Variants in SCRIB observed in about 807,000 individuals in gnomAD.
The protein encoded by SCRIB is scribble planar cell polarity protein, also known as protein scribble homolog.
In SCRIB, 72 loss-of-function variants were observed where a neutral mutation model predicts 170.0. That is an observed-to-expected ratio of 0.42 (90% CI 0.35 to 0.52). SCRIB has a LOEUF of 0.52. Among genes scored for constraint, SCRIB ranks in the 20% least tolerant of loss-of-function variants. SCRIB has a pLI of 0.02. For synonymous variants in SCRIB, 1,298 were observed against 1,044.3 expected, an observed-to-expected ratio of 1.24 and a Z score of -4.68; for missense variants, 2,475 against 2,338.5, an observed-to-expected ratio of 1.06 and a Z score of -1.20.
At chr8:143,804,513 G>C in intron 21 of SCRIB, 55 bp downstream of exon 21, 4 of 1,469,090 alleles carry the variant, frequency 2.7e-6, no homozygotes, top group Non-Finnish European at 3.6e-6. Flanking sequence ...TCCTGGGAAG[G>C]CCAGTGCCCA....
At chr8:143,811,732 G>A (rs1004040222) in intron 9 of SCRIB, among the ~76,000 whole-genome samples, 3 of 152,072 alleles carry the variant, frequency 2.0e-5, no homozygotes, top group Admixed American at 6.5e-5. Context: ...CTCAGGGCCA[G>A]CCCCTTCCCA....
At chr8:143,815,087 G>T in intron 1 of SCRIB, 127 bp downstream of exon 1, 2 of 1,115,402 alleles carry the variant, frequency 1.8e-6, no homozygotes, top group Non-Finnish European at 2.4e-6. Context: ...CTGGGGTGGG[G>T]ACCTGGCCAG....
chr8:143,794,159 TG>T, intron 27 of SCRIB, 197 bp from the exon 28 acceptor site: 1 of 576,800 alleles, frequency 1.7e-6, no homozygotes, highest in Non-Finnish European at 3.1e-6. Context: ...TGCGGGGGCC[TG>T]GGCTGGGCAG....
At position 143,815,717 on chromosome 8, in the gene SCRIB, G is replaced by T. The variant is rs918828838; in HGVS notation, c.-345C>A. Reference sequence around the variant, plus strand: ...CGCACCGGAACCGCCGCTGCCCGCCGGACTGCCCCGCCGACACCCACCCGG... The same window carrying T: ...CGCACCGGAACCGCCGCTGCCCGCCTGACTGCCCCGCCGACACCCACCCGG... On this transcript the variant is annotated 5_prime_UTR_variant, in exon 1 of 37. Coordinates refer to ENST00000356994, the MANE Select transcript of SCRIB (RefSeq NM_182706.5). 3.0e-6 allele frequency: 3 copies of T among 983,718 alleles called. No individual in the cohort carries two copies. The South Asian group carries it at 1.4e-4, about 46-fold the overall frequency. The allele number at this position is 983,718 out of a possible 1,614,324, so 60.9% of individuals were successfully genotyped here.
At position 143,806,139 on chromosome 8, in the gene SCRIB, G is replaced by A. The variant is rs1441010641; in HGVS notation, c.2346+268C>T. 4.6e-5 allele frequency among the ~76,000 whole-genome samples: 7 copies of A among 152,164 alleles called. No homozygotes were observed. In the South Asian group the frequency reaches 1.0e-3, roughly 23 times the overall value. ...GCAGCTGCTGCCCTACCCACTGGTA[G>A]AAAAACACACCTGTACCCACAGAAC... is the stretch of plus-strand genomic sequence containing the variant. On this transcript the variant is annotated intron_variant, in intron 18 of 36. Coordinates refer to ENST00000356994, the MANE Select transcript of SCRIB (RefSeq NM_182706.5).
rs1416736331 is a variant in SCRIB, at chr8:143,815,685, G to A, written c.-313C>T. ...GCTCGTCCCGCCCGCTCGTCCGCCC[G>A]CTGTGCCGCACCGGAACCGCCGCTG... On this transcript the variant is annotated 5_prime_UTR_variant, in exon 1 of 37. Transcript: ENST00000356994. 1.6e-5 allele frequency: 16 copies of A among 982,644 alleles called. No homozygotes were observed. Among genetic ancestry groups the A allele is most frequent in the African/African-American group, 1.1e-4 (6 of 56,556 alleles). 60.9% of individuals were successfully genotyped at this position (982,644 alleles called of 1,614,324 possible).
intron 24 of SCRIB, among the ~76,000 whole-genome samples, chr8:143,799,487 G>A (rs1815082201): frequency 6.6e-6 from 1 of 152,220 alleles, no homozygotes; most frequent in Non-Finnish European, 1.5e-5. Context: ...CAGAGGAGGG[G>A]CCCAGTGGGA....
chr8:143,800,495 A>G (rs1281514296), intron 24 of SCRIB, among the ~76,000 whole-genome samples: 2 of 152,224 alleles, frequency 1.3e-5, no homozygotes, highest in African/African-American at 4.8e-5. Flanking sequence ...GGGGTGAAGC[A>G]GATTTACAAA....
chr8:143,805,970 C>G (rs374665901), intron 18 of SCRIB, among the ~76,000 whole-genome samples: 1 of 152,168 alleles, frequency 6.6e-6, no homozygotes, highest in African/African-American at 2.4e-5. Context: ...CCCGGATGCC[C>G]GTGCCCCGGC....
chr8:143,811,390 G>A (rs751397887), intron 9 of SCRIB, 45 bp from the exon 10 acceptor site: 7 of 1,564,306 alleles, frequency 4.5e-6, no homozygotes, highest in African/African-American at 1.4e-5. Flanking sequence ...GCTTGCTGGG[G>A]GTGGGAAGGA....
intron 24 of SCRIB, among the ~76,000 whole-genome samples, chr8:143,801,699 A>G (rs1389198132): frequency 1.3e-5 from 2 of 152,224 alleles, no homozygotes; most frequent in Admixed American, 1.3e-4. Context: ...ACGGAAGGAC[A>G]TGGGAAAGAG....
chr8:143,808,571 G>A (rs1554637173), intron 15 of SCRIB, 38 bp downstream of exon 15: 1 of 1,493,762 alleles, frequency 6.7e-7, no homozygotes, highest in Non-Finnish European at 8.9e-7. Context: ...GGAGGGCCAG[G>A]GGAATCTGGG....
At chr8:143,808,240 T>C (rs1815520509) in intron 15 of SCRIB, among the ~76,000 whole-genome samples, 1 of 152,132 alleles carries the variant, frequency 6.6e-6, no homozygotes, top group Non-Finnish European at 1.5e-5. Context: ...GTGAACTCCG[T>C]GCCCGCCAGC....
rs1335957123 is a variant in SCRIB, at chr8:143,802,763, G to A, written c.3603+620C>T. On this transcript the variant is annotated intron_variant, in intron 24 of 36. Transcript: ENST00000356994. The stretch of plus-strand genomic sequence containing the variant: ...GCCAGGCTTGTCCAGGATCCAGGCC[G>A]TGCTGGTGGGGAGGACTCCTGGGGC... Among the ~76,000 whole-genome samples, 28 of 152,358 alleles carry A rather than the reference G, an allele frequency of 1.8e-4. 1 individual carries two copies. Among genetic ancestry groups the A allele is most frequent in the Non-Finnish European group, 5.9e-5 (4 of 68,026 alleles).
Position 143,811,041 on chromosome 8 carries a change from G to C in SCRIB, c.1138C>G (p.Leu380Val). 6.2e-7 allele frequency: 1 copy of C among 1,612,448 alleles called. No individual in the cohort carries two copies. Among genetic ancestry groups the C allele is most frequent in the Non-Finnish European group, 8.5e-7 (1 of 1,179,662 alleles). Residue 380 changes from leucine to valine, a missense_variant, in exon 11 of 37, where the codon CTC becomes GTC. By Grantham distance (32) the Leu-to-Val change is conservative. Transcript: ENST00000356994. ...GCCAGCCACAGGGCCTTGAGATTGAGGTGGGTGAGCGCGAACGGCAGACTC... is the reference window on the plus strand; with the variant it reads ...GCCAGCCACAGGGCCTTGAGATTGACGTGGGTGAGCGCGAACGGCAGACTC... ...LQSLPFALTH[L>V]NLKALWLAEN...
chr8:143,809,079 G>A (rs994606682), intron 14 of SCRIB, 54 bp from the exon 15 acceptor site: 31 of 1,558,144 alleles, frequency 2.0e-5, no homozygotes, highest in Non-Finnish European at 2.5e-5. Flanking sequence ...TGCTTCCACA[G>A]GAAGACCCTA....
At position 143,815,214 on chromosome 8, in the gene SCRIB, CT is replaced by C; in HGVS notation, c.158del (p.Lys53SerfsTer7). On this transcript the variant is annotated frameshift_variant and splice_region_variant, in exon 1 of 37. Transcript: ENST00000356994. LOFTEE classifies it high-confidence loss of function. ...GCGGCAGGTGCGGGCGGCCGCTCAC[CT>C]TGGGCAGCTCGCGCAGCTGGTTGGC... ...LDANQLRELP[K>X]PFFRLLNLRK... 6.3e-7 allele frequency: 1 copy of C among 1,578,118 alleles called. No individual in the cohort carries two copies.
chr8:143,804,570 C>T lies in SCRIB; in HGVS notation c.3007G>A (p.Glu1003Lys), dbSNP rs1815324475. Residue 1003 changes from glutamate to lysine, a missense_variant and splice_region_variant, in exon 21 of 37, where the codon GAG becomes AAG. By Grantham distance (56) the Glu-to-Lys change is moderately conservative (BLOSUM62 1). Around this residue, in one of 3 missense-constraint regions of SCRIB, gnomAD observed 1,966 missense variants for 1,742.9 expected, o/e 1.13. Transcript: ENST00000356994. ...AAALEGPYPV[E>K]EIRLPRAGGP... ...CTGGGTGGGGGCTTGTGTCTCACCT[C>T]CACTGGGTATGGCCCTTCCAACGCG... The T allele has an allele frequency of 6.7e-7, 1 of 1,498,132 alleles. No homozygotes were observed. The allele number at this position is 1,498,132 out of a possible 1,614,324, so 92.8% of individuals were successfully genotyped here.
At position 143,811,317 on chromosome 8, in the gene SCRIB, G is replaced by T. The variant is rs1029948906; in HGVS notation, c.935C>A (p.Thr312Asn). 11 of 1,612,862 alleles carry T rather than the reference G, an allele frequency of 6.8e-6. No individual in the cohort carries two copies. Among genetic ancestry groups the T allele is most frequent in the Admixed American group, 1.7e-5 (1 of 59,998 alleles). The change falls in exon 10 of 37, where the codon ACT becomes AAT. Residue 312 changes from threonine (T) to asparagine (N), a missense_variant. By Grantham distance (65) the Thr-to-Asn change is moderately conservative. This residue lies in a region of SCRIB where 487 missense variants were observed against 558.1 expected (regional missense o/e 0.87). Coordinates refer to ENST00000356994, the MANE Select transcript of SCRIB (RefSeq NM_182706.5). ...GTCCACGTTGAGGTTGGTCAGCTTA[G>T]TCAGCTTTCCCAGGGAGCGGGGCAG... ...MALPRSLGKL[T>N]KLTNLNVDRN...
Sources: allele counts gnomAD v4.1 joint callset (sites outside exome capture counted in the v4.1 genomes callset), GRCh38; gene constraint gnomAD v4.1.1; regional missense constraint gnomAD v4.1.1; transcripts MANE v1.5; gene names NCBI Gene and HGNC (gene_info 2026-07-23, HGNC 2026-07-21).